The following CNTN5 variants were observed in gnomAD, a reference collection of about 807,000 sequenced individuals.
The protein encoded by CNTN5 is contactin 5, also known as contactin-5.
CNTN5 carries 77 observed loss-of-function variants against 129.1 expected under a neutral mutation model. The ratio of observed to expected loss-of-function variants is 0.60; its 90% CI spans 0.50 to 0.72. The LOEUF is 0.72. Ranked by LOEUF, CNTN5 falls within the 30% of genes least tolerant of loss-of-function variation. The pLI, the probability that CNTN5 is intolerant of heterozygous loss-of-function variation, is 0.00. For synonymous variants in CNTN5, 509 were observed against 465.6 expected, an observed-to-expected ratio of 1.09 and a Z score of -1.20; for missense variants, 1,478 against 1,328.8, an observed-to-expected ratio of 1.11 and a Z score of -1.75.
At chr11:99,718,033 T>G (rs1943039657) in intron 3 of CNTN5, among the ~76,000 whole-genome samples, 1 of 152,116 alleles carries the variant, frequency 6.6e-6, no homozygotes, top group African/African-American at 2.4e-5. Context: ...ATAAATTGCC[T>G]CATTCTGAAA....
intron 10 of CNTN5, among the ~76,000 whole-genome samples, chr11:100,068,926 C>T (rs1047765234): frequency 2.6e-5 from 4 of 152,096 alleles, no homozygotes; most frequent in African/African-American, 9.7e-5. Context: ...CTCTTTGAGT[C>T]AAAATCTGAT....
chr11:100,225,702 C>A (rs1267949938), intron 16 of CNTN5, among the ~76,000 whole-genome samples: 4 of 152,122 alleles, frequency 2.6e-5, no homozygotes. Flanking sequence ...CATTTTTCAT[C>A]TTATACGATT....
chr11:99,529,708 T>C (rs1947622867), intron 2 of CNTN5, among the ~76,000 whole-genome samples: 2 of 152,092 alleles, frequency 1.3e-5, no homozygotes, highest in Admixed American at 1.3e-4. Context: ...AGAACTCAGG[T>C]GAAGCAACAG....
intron 13 of CNTN5, among the ~76,000 whole-genome samples, chr11:100,174,504 A>G (rs1033702495): frequency 6.6e-6 from 1 of 152,094 alleles, no homozygotes; most frequent in African/African-American, 2.4e-5. Context: ...TTCCACACAA[A>G]ATCCTATAAA....
intron 13 of CNTN5, among the ~76,000 whole-genome samples, chr11:100,144,026 A>G (rs942377612): frequency 1.3e-5 from 2 of 152,162 alleles, no homozygotes; most frequent in African/African-American, 4.8e-5. Context: ...ATGATTCTCT[A>G]TAACAATTCC....
intron 8 of CNTN5, among the ~76,000 whole-genome samples, chr11:99,993,165 A>G (rs747055343): frequency 1.8e-4 from 27 of 152,190 alleles, no homozygotes; most frequent in Non-Finnish European, 3.5e-4. Flanking sequence ...GAAATAAACC[A>G]TGTAGCCAAG....
At chr11:100,139,935 G>A (rs1369067074) in intron 13 of CNTN5, among the ~76,000 whole-genome samples, 1 of 152,118 alleles carries the variant, frequency 6.6e-6, no homozygotes, top group Non-Finnish European at 1.5e-5. Flanking sequence ...AGAAGAAACT[G>A]ATGGCTAAGA....
Position 99,403,168 on chromosome 11 carries a change from G to A in CNTN5, c.-71+77684G>A, listed in dbSNP as rs551635217. 4.6e-5 allele frequency among the ~76,000 whole-genome samples: 7 copies of A among 151,880 alleles called. No individual in the cohort carries two copies. In the South Asian group the frequency reaches 8.3e-4, roughly 18 times the overall value. On this transcript the variant is annotated intron_variant, in intron 2 of 24. Coordinates refer to ENST00000524871, the MANE Select transcript of CNTN5 (RefSeq NM_014361.4). ...ACTACAGGCGCCTACCACCATGCCT[G>A]GCTAATTTTTTGTAGTAGAGATGGG...
intron 2 of CNTN5, among the ~76,000 whole-genome samples, chr11:99,350,213 A>C (rs1938195725): frequency 6.6e-6 from 1 of 152,122 alleles, no homozygotes; most frequent in African/African-American, 2.4e-5. Context: ...TCACCTTTTA[A>C]TAATTGCTAT....
chr11:99,053,104 T>A (rs2135181970), intron 1 of CNTN5, among the ~76,000 whole-genome samples: 1 of 152,028 alleles, frequency 6.6e-6, no homozygotes, highest in East Asian at 1.9e-4. Flanking sequence ...AATCTTTCTA[T>A]TTGTGTGACA....
intron 1 of CNTN5, among the ~76,000 whole-genome samples, chr11:99,224,606 ACTAACAGCTAG>A (rs1362896774): frequency 2.6e-5 from 4 of 151,360 alleles, no homozygotes; most frequent in Non-Finnish European, 5.9e-5. Flanking sequence ...AATGATCATG[ACTAACAGCTAG>A]CTATCTTCCA....
At chr11:100,040,154 A>C (rs903736245) in intron 9 of CNTN5, among the ~76,000 whole-genome samples, 1 of 150,750 alleles carries the variant, frequency 6.6e-6, no homozygotes, top group South Asian at 2.1e-4. Flanking sequence ...TTTGGTGTGG[A>C]TGTCCTTTCT....
intron 2 of CNTN5, among the ~76,000 whole-genome samples, chr11:99,483,174 C>CAAAAAA (rs34200342): frequency 3.4e-5 from 2 of 59,542 alleles, no homozygotes; most frequent in African/African-American, 7.4e-5. Context: ...GACTCCTTCT[C>CAAAAAA]AAAAAAAAAA....
intron 3 of CNTN5, among the ~76,000 whole-genome samples, chr11:99,657,200 A>G (rs1952407424): frequency 6.6e-6 from 1 of 152,130 alleles, no homozygotes; most frequent in Admixed American, 6.6e-5. Context: ...CTAACCATCT[A>G]CTTAGCACCT....
chr11:99,818,192 T>C (rs1025264351), intron 3 of CNTN5, among the ~76,000 whole-genome samples: 1 of 152,184 alleles, frequency 6.6e-6, no homozygotes, highest in Non-Finnish European at 1.5e-5. Flanking sequence ...ACAGTGATAC[T>C]TTTTTTAATC....
intron 24 of CNTN5, among the ~76,000 whole-genome samples, chr11:100,352,837 G>T (rs1346331459): frequency 5.3e-5 from 8 of 151,666 alleles, no homozygotes; most frequent in African/African-American, 1.7e-4. Flanking sequence ...CATCTTAAAA[G>T]ACTATTTCCT....
chr11:99,718,077 T>G (rs1943041003), intron 3 of CNTN5, among the ~76,000 whole-genome samples: 1 of 152,140 alleles, frequency 6.6e-6, no homozygotes, highest in African/African-American at 2.4e-5. Flanking sequence ...CATATAACTC[T>G]CCTTAATAGA....
At chr11:99,297,129 A>C (rs1864421859) in intron 1 of CNTN5, among the ~76,000 whole-genome samples, 1 of 152,210 alleles carries the variant, frequency 6.6e-6, no homozygotes, top group African/African-American at 2.4e-5. Context: ...ACTATGACAT[A>C]AACCCTAACA....
intron 6 of CNTN5, among the ~76,000 whole-genome samples, chr11:99,848,440 A>C (rs1160521226): frequency 6.6e-6 from 1 of 152,196 alleles, no homozygotes; most frequent in Non-Finnish European, 1.5e-5. Flanking sequence ...ATAAATATTC[A>C]TTATACAACT....
Sources: gnomAD v4.1 joint callset for allele counts (sites outside exome capture counted in the v4.1 genomes callset) on GRCh38, gnomAD v4.1.1 for gene constraint, MANE v1.5 for transcripts, NCBI Gene and HGNC (gene_info 2026-07-23, HGNC 2026-07-21) for gene names.